NUDT19: variants seen among roughly 807,000 people sequenced by gnomAD.
NUDT19 encodes acyl-coenzyme A diphosphatase NUDT19.
A neutral mutation model predicts 22.2 loss-of-function variants in NUDT19; 31 were observed. That is an observed-to-expected ratio of 1.40 (90% CI 1.05 to 1.89). The LOEUF (loss-of-function observed/expected upper bound fraction) is 1.89, where lower values mean the gene tolerates loss of function less well. Ranked by LOEUF, NUDT19 falls within the 40% of genes most tolerant of loss-of-function variation. NUDT19 has a pLI of 0.00. For missense variants in NUDT19, 752 were observed against 514.2 expected, an observed-to-expected ratio of 1.46 and a Z score of -4.47; for synonymous variants, 325 against 230.8, an observed-to-expected ratio of 1.41 and a Z score of -3.70.
At chr19:32,700,223 G>C (rs941998102) in intron 1 of NUDT19, among the ~76,000 whole-genome samples, 2 of 152,288 alleles carry the variant, frequency 1.3e-5, no homozygotes, top group South Asian at 2.1e-4. Context: ...CCATTTTACA[G>C]AGCGCTGATT....
chr19:32,692,799 C>G (rs142832551), intron 1 of NUDT19, 125 bp downstream of exon 1: 5 of 650,882 alleles, frequency 7.7e-6, no homozygotes, highest in Admixed American at 7.8e-5. Context: ...CAGCAAGGAA[C>G]GCTTAGACGG....
At chr19:32,702,667 A>G (rs950207825) in intron 1 of NUDT19, among the ~76,000 whole-genome samples, 3 of 152,224 alleles carry the variant, frequency 2.0e-5, no homozygotes, top group Non-Finnish European at 2.9e-5. Flanking sequence ...TTTTTATCCA[A>G]TATAAAAACT....
Position 32,692,045 on chromosome 19 carries a change from ACCGCCACC to A in NUDT19, c.91_98del (p.Thr31ValfsTer76). 1 of 1,276,420 alleles carries A rather than the reference ACCGCCACC, an allele frequency of 7.8e-7. No individual in the cohort carries two copies. 79.1% of individuals were successfully genotyped at this position (1,276,420 alleles called of 1,614,324 possible). On this transcript the variant is annotated frameshift_variant, in exon 1 of 3. Transcript: ENST00000397061. LOFTEE classifies it high-confidence loss of function. ...GGCGGCTGGCTGGTCGCGCCCGGAG[ACCGCCACC>A]CCGCCGTCGCGCCCGCCGCCGGCCG...
chr19:32,695,967 T>A (rs772134905), intron 1 of NUDT19, among the ~76,000 whole-genome samples: 36 of 152,256 alleles, frequency 2.4e-4, no homozygotes, highest in Non-Finnish European at 8.8e-5. Flanking sequence ...AACTGTGGCA[T>A]AACCTGCCCT....
chr19:32,707,716 C>T (rs1165688359), intron 1 of NUDT19, among the ~76,000 whole-genome samples: 4 of 152,072 alleles, frequency 2.6e-5, no homozygotes, highest in South Asian at 2.1e-4. Context: ...CGGTGGCTCA[C>T]GCCTGTAATC....
At chr19:32,695,603 T>TGGTCTTTCCCTGCCTCTGCC (rs1224991564) in intron 1 of NUDT19, among the ~76,000 whole-genome samples, 3 of 152,216 alleles carry the variant, frequency 2.0e-5, no homozygotes, top group Non-Finnish European at 4.4e-5. Context: ...TTCTCTCTGC[T>TGGTCTTTCCCTGCCTCTGCC]GGTCTTTCCC....
At chr19:32,703,226 C>T (rs1324646963) in intron 1 of NUDT19, among the ~76,000 whole-genome samples, 1 of 152,142 alleles carries the variant, frequency 6.6e-6, no homozygotes, top group Non-Finnish European at 1.5e-5. Flanking sequence ...CTGTCGAACT[C>T]CCAACCTCAG....
intron 1 of NUDT19, among the ~76,000 whole-genome samples, chr19:32,700,020 A>T (rs1035406877): frequency 6.6e-6 from 1 of 152,136 alleles, no homozygotes; most frequent in Non-Finnish European, 1.5e-5. Flanking sequence ...GAAGCTGCAG[A>T]CCTTCGCGGT....
intron 1 of NUDT19, among the ~76,000 whole-genome samples, chr19:32,696,429 G>A (rs1043180112): frequency 1.3e-5 from 2 of 152,126 alleles, no homozygotes; most frequent in African/African-American, 2.4e-5. Flanking sequence ...CCATGAGTCT[G>A]AGTAAGGACC....
At chr19:32,711,597 A>G (rs541563134) in intron 2 of NUDT19, among the ~76,000 whole-genome samples, 155 bp from the exon 3 acceptor site, 1 of 152,348 alleles carries the variant, frequency 6.6e-6, no homozygotes, top group South Asian at 2.1e-4. Flanking sequence ...TCAGTTCCAA[A>G]CATATGAAAT....
Position 32,691,921 on chromosome 19 carries a change from C to G in NUDT19, c.-40C>G, listed in dbSNP as rs1320110885. On this transcript the variant is annotated 5_prime_UTR_variant, in exon 1 of 3. Transcript: ENST00000397061. ...CAGGGCCGGGCCACCTGCCGTGGAG[C>G]TCAGGCCGCGCCAGAATCGGATCCG... 8 of 1,164,198 alleles carry G rather than the reference C, an allele frequency of 6.9e-6. No individual in the cohort carries two copies. Among genetic ancestry groups the G allele is most frequent in the South Asian group, 4.4e-5 (1 of 22,740 alleles). The allele number at this position is 1,164,198 out of a possible 1,614,324, so 72.1% of individuals were successfully genotyped here.
In NUDT19 at chr19:32,712,754, G is replaced by A. The variant is rs939000408; in HGVS notation, c.*797G>A. The A allele has an allele frequency of 1.4e-4, 21 of 152,262 alleles. 1 individual carries two copies. Among genetic ancestry groups the A allele is most frequent in the African/African-American group, 5.1e-4 (21 of 41,546 alleles). The allele number at this position is 152,262 out of a possible 1,614,324, so 9.4% of individuals were successfully genotyped here. On this transcript the variant is annotated 3_prime_UTR_variant, in exon 3 of 3. Transcript: ENST00000397061. ...CTTATTCCATTCTTTAATCCTTACA[G>A]TGTGCCACACGTATAAAGTTTATAA...
intron 1 of NUDT19, among the ~76,000 whole-genome samples, chr19:32,701,436 G>C (rs985218873): frequency 6.6e-6 from 1 of 152,036 alleles, no homozygotes; most frequent in Admixed American, 6.6e-5. Flanking sequence ...GACCTCAGGT[G>C]ATCCACCTGT....
intron 1 of NUDT19, among the ~76,000 whole-genome samples, chr19:32,699,371 G>C (rs1968305630): frequency 6.6e-6 from 1 of 152,198 alleles, no homozygotes; most frequent in South Asian, 2.1e-4. Context: ...GTGACTTTCA[G>C]AGTTCCATTC....
chr19:32,701,417 C>T (rs933856411), intron 1 of NUDT19, among the ~76,000 whole-genome samples: 2 of 151,900 alleles, frequency 1.3e-5, no homozygotes, highest in Admixed American at 1.3e-4. Context: ...GTTGGTCAGG[C>T]CAACTCCTGA....
At chr19:32,705,812 T>C (rs1259814987) in intron 1 of NUDT19, among the ~76,000 whole-genome samples, 1 of 152,072 alleles carries the variant, frequency 6.6e-6, no homozygotes, top group Non-Finnish European at 1.5e-5. Flanking sequence ...CTTGAACTCC[T>C]GACCTCAGGT....
chr19:32,703,844 G>A (rs1444683945), intron 1 of NUDT19, among the ~76,000 whole-genome samples: 4 of 150,864 alleles, frequency 2.7e-5, no homozygotes, highest in Non-Finnish European at 5.9e-5. Context: ...TGTACTTTTA[G>A]TAGAGATGAG....
At position 32,692,682 on chromosome 19, in the gene NUDT19, C is replaced by T; in HGVS notation, c.714+8C>T. On this transcript the variant is annotated splice_region_variant and intron_variant, in intron 1 of 2. Coordinates refer to ENST00000397061, the MANE Select transcript of NUDT19 (RefSeq NM_001105570.2). ...GAGGTGGTGGGCTACCAGGTAAGGC[C>T]TGCTCAGGGCCTTGCTGCGGACCGC... The T allele has an allele frequency of 6.8e-7, 1 of 1,464,682 alleles. No homozygotes were observed. Among genetic ancestry groups the T allele is most frequent in the Non-Finnish European group, 9.0e-7 (1 of 1,115,966 alleles). The allele number at this position is 1,464,682 out of a possible 1,614,324, so 90.7% of individuals were successfully genotyped here.
intron 1 of NUDT19, among the ~76,000 whole-genome samples, chr19:32,708,426 C>CA (rs564998068): frequency 0.02 from 1,861 of 91,032 alleles, 37 homozygotes; most frequent in African/African-American, 0.06. Context: ...GACTCCGTCT[C>CA]AAAAAAAAAA....
Sources: allele counts gnomAD v4.1 joint callset (sites outside exome capture counted in the v4.1 genomes callset), GRCh38; gene constraint gnomAD v4.1.1; transcripts MANE v1.5; gene names NCBI Gene and HGNC (gene_info 2026-07-23, HGNC 2026-07-21).